Variants in LARGE1 observed in about 807,000 individuals in gnomAD.
LARGE1 encodes LARGE xylosyl- and glucuronyltransferase 1.
A neutral mutation model predicts 87.6 loss-of-function variants in LARGE1; 43 were observed. The observed-to-expected ratio is 0.49, with a 90% CI of 0.38 to 0.63. LARGE1 has a LOEUF of 0.63. Among genes scored for constraint, LARGE1 ranks in the 30% least tolerant of loss-of-function variants. The pLI is 0.00. For synonymous variants in LARGE1, 434 were observed against 394.6 expected, an observed-to-expected ratio of 1.10 and a Z score of -1.18; for missense variants, 802 against 1,000.2, an observed-to-expected ratio of 0.80 and a Z score of 2.67.
intron 1 of LARGE1, among the ~76,000 whole-genome samples, chr22:33,895,925 A>G (rs2065132704): frequency 1.3e-5 from 2 of 152,128 alleles, no homozygotes; most frequent in South Asian, 4.2e-4. Context: ...TCACCGTAGT[A>G]AAATACACAT....
At chr22:33,718,809 G>A (rs760181490) in intron 2 of LARGE1, among the ~76,000 whole-genome samples, 15 of 152,142 alleles carry the variant, frequency 9.9e-5, no homozygotes, top group African/African-American at 1.7e-4. Context: ...ATGGAGTCTC[G>A]CTCTGTCGCC....
At chr22:33,066,744 C>G in the LARGE1 span, among the ~76,000 whole-genome samples, 1 of 152,172 alleles carries the variant, frequency 6.6e-6, no homozygotes, top group Non-Finnish European at 1.5e-5. Context: ...TTCGGCTCAG[C>G]TATTCTAAGC....
the LARGE1 span, among the ~76,000 whole-genome samples, chr22:33,082,451 A>T: frequency 6.6e-6 from 1 of 152,194 alleles, no homozygotes. Context: ...ACCTGGCTGG[A>T]AAGGAGGTGT....
chr22:33,520,649 C>A (rs983435052), intron 6 of LARGE1, among the ~76,000 whole-genome samples: 1 of 152,240 alleles, frequency 6.6e-6, no homozygotes, highest in Non-Finnish European at 1.5e-5. Flanking sequence ...CCAGTCTGCT[C>A]TGCCTGACTC....
At chr22:33,434,894 G>A (rs1422651522) in intron 6 of LARGE1, among the ~76,000 whole-genome samples, 1 of 152,036 alleles carries the variant, frequency 6.6e-6, no homozygotes, top group Non-Finnish European at 1.5e-5. Context: ...CCAGCATGAA[G>A]CCTTTTATGA....
the LARGE1 span, among the ~76,000 whole-genome samples, chr22:33,095,747 C>T: frequency 6.6e-6 from 1 of 152,154 alleles, no homozygotes; most frequent in Non-Finnish European, 1.5e-5. Flanking sequence ...GTGGTAGGCA[C>T]GGAGGTCACA....
At chr22:33,850,236 C>CTTCAA (rs748766675) in intron 1 of LARGE1, among the ~76,000 whole-genome samples, 1 of 152,192 alleles carries the variant, frequency 6.6e-6, no homozygotes, top group African/African-American at 2.4e-5. Flanking sequence ...ATAACACGGC[C>CTTCAA]TTCAAACAGG....
intron 6 of LARGE1, among the ~76,000 whole-genome samples, chr22:33,536,877 T>C (rs934480765): frequency 1.3e-5 from 2 of 152,220 alleles, no homozygotes; most frequent in Non-Finnish European, 2.9e-5. Flanking sequence ...GATGGTGCAA[T>C]CTCAGCTCAC....
intron 1 of LARGE1, among the ~76,000 whole-genome samples, chr22:33,816,697 C>T (rs5754694): frequency 0.14 from 5,348 of 36,932 alleles, 191 homozygotes; most frequent in East Asian, 0.27. Flanking sequence ...GATAGACAGA[C>T]AGACAGACAG....
At chr22:33,792,495 G>A (rs1181293839) in intron 1 of LARGE1, among the ~76,000 whole-genome samples, 1 of 152,120 alleles carries the variant, frequency 6.6e-6, no homozygotes, top group African/African-American at 2.4e-5. Context: ...ACAGTCTGGG[G>A]TATGTCTTTA....
intron 6 of LARGE1, among the ~76,000 whole-genome samples, chr22:33,463,866 G>T (rs1056462134): frequency 6.6e-6 from 1 of 152,156 alleles, no homozygotes; most frequent in Non-Finnish European, 1.5e-5. Context: ...TAGAGATGGG[G>T]TTTCACCATG....
chr22:33,603,313 AG>A (rs1482356387), intron 5 of LARGE1, among the ~76,000 whole-genome samples: 2 of 152,228 alleles, frequency 1.3e-5, no homozygotes, highest in Non-Finnish European at 2.9e-5. Flanking sequence ...GTCCTTCCCA[AG>A]GTGATCAGAG....
At chr22:33,860,180 C>T (rs2146582772) in intron 1 of LARGE1, among the ~76,000 whole-genome samples, 1 of 152,024 alleles carries the variant, frequency 6.6e-6, no homozygotes. Context: ...TTTGTACAGA[C>T]AGGGTCTCAC....
At chr22:33,671,716 C>A (rs892761989) in intron 2 of LARGE1, among the ~76,000 whole-genome samples, 1 of 152,156 alleles carries the variant, frequency 6.6e-6, no homozygotes, top group African/African-American at 2.4e-5. Context: ...TCTTAAGCAT[C>A]GTTTAAGATT....
At chr22:33,434,227 G>A (rs897805133) in intron 6 of LARGE1, among the ~76,000 whole-genome samples, 9 of 152,218 alleles carry the variant, frequency 5.9e-5, no homozygotes, top group African/African-American at 2.2e-4. Context: ...AGGATGGGAA[G>A]TGTCATTGTT....
intron 1 of LARGE1, among the ~76,000 whole-genome samples, chr22:33,825,038 C>T (rs2062740089): frequency 6.6e-6 from 1 of 152,096 alleles, no homozygotes; most frequent in Non-Finnish European, 1.5e-5. Flanking sequence ...TGGTCATCTC[C>T]AGGGACCAGT....
chr22:33,595,156 CT>C (rs1162834783), intron 5 of LARGE1, among the ~76,000 whole-genome samples: 1 of 151,838 alleles, frequency 6.6e-6, no homozygotes, highest in African/African-American at 2.4e-5. Flanking sequence ...ACTTCTCTCT[CT>C]TTTTTTTAAT....
At chr22:33,442,097 A>G (rs961510036) in intron 6 of LARGE1, among the ~76,000 whole-genome samples, 3 of 152,236 alleles carry the variant, frequency 2.0e-5, no homozygotes, top group Non-Finnish European at 2.9e-5. Context: ...TGAATAAGTG[A>G]AGATGAGAGG....
At chr22:33,225,045 G>C (rs1163699583) in intron 11 of LARGE1, among the ~76,000 whole-genome samples, 1 of 152,224 alleles carries the variant, frequency 6.6e-6, no homozygotes, top group Non-Finnish European at 1.5e-5. Context: ...CTGGATGAAG[G>C]TTCCTCTGGC....
Sources: gnomAD v4.1 joint callset for allele counts (sites outside exome capture counted in the v4.1 genomes callset) on GRCh38, gnomAD v4.1.1 for gene constraint, MANE v1.5 for transcripts, NCBI Gene and HGNC (gene_info 2026-07-23, HGNC 2026-07-21) for gene names.